ANKRD42: variants seen among roughly 807,000 people sequenced by gnomAD.
ANKRD42 encodes the protein ankyrin repeat domain-containing protein 42.
In ANKRD42, 43 loss-of-function variants were observed where a neutral mutation model predicts 51.5. The observed-to-expected ratio is 0.83, with a 90% CI of 0.65 to 1.08. The LOEUF is 1.08. Among genes scored for constraint, ANKRD42 ranks in the 50% least tolerant of loss-of-function variants. The probability of loss-of-function intolerance (pLI) is 0.00; values close to 1 mark genes in which losing one functional copy is unlikely to be tolerated. For synonymous variants in ANKRD42, 203 were observed against 213.0 expected (o/e 0.95, Z 0.41); for missense variants, 608 against 629.3 (o/e 0.97, Z 0.36).
At chr11:83,243,981 T>C in intron 9 of ANKRD42, among the ~76,000 whole-genome samples, 2 of 127,514 alleles carry the variant, frequency 1.6e-5, no homozygotes, top group Non-Finnish European at 3.3e-5. Context: ...TTTTTTTTTT[T>C]TTTTTTTTTT....
intron 5 of ANKRD42, chr11:83,213,440 T>C: frequency 6.8e-7 from 1 of 1,461,866 alleles, no homozygotes; most frequent in Non-Finnish European, 9.0e-7. Context: ...TAAATAAAAC[T>C]GTAAAAACTG....
At chr11:83,219,626 T>C (rs540354060) in intron 5 of ANKRD42, among the ~76,000 whole-genome samples, 20 of 152,194 alleles carry the variant, frequency 1.3e-4, no homozygotes, top group East Asian at 5.8e-4. Flanking sequence ...CAACTGACTA[T>C]ATTTTCTTCC....
intron 5 of ANKRD42, among the ~76,000 whole-genome samples, chr11:83,221,824 G>C (rs1862726969): frequency 6.6e-6 from 1 of 152,226 alleles, no homozygotes; most frequent in Admixed American, 6.5e-5. Context: ...TTACAGAGCA[G>C]AGTTTCCAGG....
At chr11:83,200,849 C>T (rs1208263474) in intron 2 of ANKRD42, among the ~76,000 whole-genome samples, 1 of 152,160 alleles carries the variant, frequency 6.6e-6, no homozygotes. Context: ...AGCCATTTAA[C>T]ATGGTAGACT....
chr11:83,224,933 T>A lies in ANKRD42; in HGVS notation c.665T>A (p.Leu222Ter). ...AGAATGAGCAGTGCGACGCAAGTTT[T>A]AAAAGCTTTCAATGATAATGGAGAA... Reference protein sequence around the residue: ...VSRMSSATQVLKAFNDNGENV... With the variant: ...VSRMSSATQV Residue 222 changes from leucine to a stop codon, truncating the protein, a stop_gained, in exon 6 of 11, where the codon TTA becomes TAA. Coordinates refer to ENST00000533342, the MANE Select transcript of ANKRD42 (RefSeq NM_001300975.2). LOFTEE classifies it high-confidence loss of function. The A allele has an allele frequency of 6.2e-7, 1 of 1,613,426 alleles. No individual in the cohort carries two copies. The highest frequency in any genetic ancestry group is 8.5e-7 in the Non-Finnish European group (1 of 1,179,472).
At chr11:83,212,575 T>C in intron 5 of ANKRD42, 1 of 1,157,862 alleles carries the variant, frequency 8.6e-7, no homozygotes, top group South Asian at 1.3e-5. Flanking sequence ...ACTTAAATGA[T>C]ACCTTAAAGA....
downstream of ANKRD42, among the ~76,000 whole-genome samples, chr11:83,257,854 T>C (rs1040921661): frequency 6.6e-6 from 1 of 152,238 alleles, no homozygotes. Context: ...GGTTCCCTGG[T>C]TGTCCTCCAA....
At chr11:83,205,908 GC>G in intron 2 of ANKRD42, 149 bp from the exon 3 acceptor site, 3 of 613,196 alleles carry the variant, frequency 4.9e-6, no homozygotes, top group Non-Finnish European at 8.4e-6. Context: ...AATGTTGGTT[GC>G]CATGTCACTG....
At chr11:83,226,669 T>C (rs1331210367) in intron 6 of ANKRD42, among the ~76,000 whole-genome samples, 1 of 151,788 alleles carries the variant, frequency 6.6e-6, no homozygotes, top group Non-Finnish European at 1.5e-5. Context: ...CCAGCAAGAG[T>C]AGGGCATGAT....
downstream of ANKRD42, among the ~76,000 whole-genome samples, chr11:83,256,569 C>T (rs1863778710): frequency 6.6e-6 from 1 of 152,126 alleles, no homozygotes; most frequent in South Asian, 2.1e-4. Context: ...CTTTTCTCTT[C>T]TCTTCCCTCC....
chr11:83,243,741 A>C (rs1248503203), intron 9 of ANKRD42, among the ~76,000 whole-genome samples: 1 of 151,968 alleles, frequency 6.6e-6, no homozygotes, highest in East Asian at 1.9e-4. Flanking sequence ...GGCTCACTGC[A>C]AGCTCCGCCT....
intron 11 of ANKRD42, among the ~76,000 whole-genome samples, chr11:83,254,207 C>T (rs368135171): frequency 2.6e-5 from 4 of 151,996 alleles, no homozygotes; most frequent in East Asian, 3.9e-4. Flanking sequence ...CTCCTGAGCT[C>T]AAAGTGATCT....
intron 3 of ANKRD42, among the ~76,000 whole-genome samples, chr11:83,208,367 G>T (rs201451318): frequency 2.1e-5 from 3 of 143,852 alleles, no homozygotes; most frequent in Non-Finnish European, 4.5e-5. Context: ...GTGTGTGTTT[G>T]TGTGTGTGTG....
At chr11:83,224,591 T>C (rs1464584877) in intron 5 of ANKRD42, among the ~76,000 whole-genome samples, 2 of 152,198 alleles carry the variant, frequency 1.3e-5, no homozygotes, top group Non-Finnish European at 2.9e-5. Flanking sequence ...TAATGTGTTA[T>C]TTCTTTTTTC....
intron 9 of ANKRD42, among the ~76,000 whole-genome samples, chr11:83,242,843 G>A (rs1037536595): frequency 6.6e-6 from 1 of 152,204 alleles, no homozygotes. Flanking sequence ...GATTACAGGC[G>A]TGAGCCACTG....
chr11:83,205,006 A>G (rs1862015108), intron 2 of ANKRD42, among the ~76,000 whole-genome samples: 1 of 152,246 alleles, frequency 6.6e-6, no homozygotes, highest in Admixed American at 6.5e-5. Flanking sequence ...AAAAATGGCA[A>G]TACAAAGTGT....
chr11:83,226,209 A>G (rs1862877620), intron 6 of ANKRD42, among the ~76,000 whole-genome samples: 2 of 73,760 alleles, frequency 2.7e-5, no homozygotes, highest in South Asian at 8.0e-4. Flanking sequence ...ATATGTACAC[A>G]TACACACACA....
chr11:83,221,973 G>A (rs146922654), intron 5 of ANKRD42, among the ~76,000 whole-genome samples: 36 of 152,306 alleles, frequency 2.4e-4, no homozygotes, highest in Admixed American at 1.3e-3. Flanking sequence ...TGATAGGGAA[G>A]CTGCTTGTTT....
chr11:83,228,477 G>A (rs59848603), intron 7 of ANKRD42, among the ~76,000 whole-genome samples: 1 of 151,934 alleles, frequency 6.6e-6, no homozygotes, highest in South Asian at 2.1e-4. Context: ...TGATCCACTC[G>A]CCTTGGCCTC....
Sources: allele counts gnomAD v4.1 joint callset (sites outside exome capture counted in the v4.1 genomes callset), GRCh38; gene constraint gnomAD v4.1.1; transcripts MANE v1.5; gene names NCBI Gene and HGNC (gene_info 2026-07-23, HGNC 2026-07-21).